The following PSMD8 variants were observed in gnomAD, a reference collection of about 807,000 sequenced individuals.
PSMD8 encodes the protein proteasome 26S subunit, non-ATPase 8, also known as 26S proteasome non-ATPase regulatory subunit 8.
In PSMD8, 30 loss-of-function variants were observed where a neutral mutation model predicts 40.0. That is an observed-to-expected ratio of 0.75 (90% CI 0.56 to 1.02). The LOEUF (loss-of-function observed/expected upper bound fraction) is 1.02, where lower values mean the gene tolerates loss of function less well. PSMD8 is among the 50% of genes least tolerant of loss of function. The pLI is 0.00. For synonymous variants in PSMD8, 208 were observed against 192.5 expected (o/e 1.08, Z -0.67); for missense variants, 461 against 463.9 (o/e 0.99, Z 0.06).
Position 38,383,330 on chromosome 19 carries a change from C to T in PSMD8, c.993C>T (p.Pro331=), listed in dbSNP as rs1202857337. 2 of 1,613,844 alleles carry T rather than the reference C, an allele frequency of 1.2e-6. No individual in the cohort carries two copies. The highest frequency in any genetic ancestry group is 1.7e-6 in the Non-Finnish European group (2 of 1,179,868). ...QQQKPEDTTI[P]STELAKQVIE... ...AGAAGCCGGAAGACACCACCATTCC[C>T]TCCACAGAACTGGCCAAACAGGTCA... Residue 331 remains proline (P), a synonymous_variant, in exon 7 of 7, where the codon CCC becomes CCT. Transcript: ENST00000215071.
chr19:38,380,554 T>A (rs985255023), intron 4 of PSMD8, among the ~76,000 whole-genome samples: 3 of 151,032 alleles, frequency 2.0e-5, no homozygotes, highest in African/African-American at 7.3e-5. Context: ...GGCAAAGGTG[T>A]ACAGGGATGA....
chr19:38,382,930 A>AT, intron 6 of PSMD8: 3 of 263,648 alleles, frequency 1.1e-5, no homozygotes, highest in Non-Finnish European at 2.2e-5. Flanking sequence ...AAAAAAAAAA[A>AT]GAAGAAGGTG....
rs1162101477 is a variant in PSMD8, at chr19:38,376,347, C to G, written c.434-5C>G. The G allele has an allele frequency of 6.5e-7, 1 of 1,546,286 alleles. No individual in the cohort carries two copies. The highest frequency in any genetic ancestry group is 2.4e-5 in the East Asian group (1 of 40,952). On this transcript the variant is annotated splice_region_variant and splice_polypyrimidine_tract_variant and intron_variant, in intron 2 of 6. Coordinates refer to ENST00000215071, the MANE Select transcript of PSMD8 (RefSeq NM_002812.5). Reference sequence around the variant, plus strand: ...CCTCCTGAGAGCTCACTCTGTCACCCACAGGTGACATACTGGAGATCGGGG... The same window carrying G: ...CCTCCTGAGAGCTCACTCTGTCACCGACAGGTGACATACTGGAGATCGGGG...
Position 38,383,514 on chromosome 19 carries a change from C to G in PSMD8, c.*124C>G. The G allele has an allele frequency of 7.6e-7, 1 of 1,318,038 alleles. No homozygotes were observed. Among genetic ancestry groups the G allele is most frequent in the East Asian group, 2.5e-5 (1 of 40,186 alleles). The allele number at this position is 1,318,038 out of a possible 1,614,324, so 81.6% of individuals were successfully genotyped here. A position where few individuals can be genotyped will look rare whatever the true frequency, so the allele number is the denominator to read the frequency against. On this transcript the variant is annotated 3_prime_UTR_variant, in exon 7 of 7. Transcript: ENST00000215071. ...GCCCTTGTCTCCCCAGTTGGGACGG[C>G]AGAGAGACAAGTTCTTATATCTGAA...
At chr19:38,383,075 G>T (rs1180568813) in intron 6 of PSMD8, among the ~76,000 whole-genome samples, 178 bp from the exon 7 acceptor site, 1 of 152,124 alleles carries the variant, frequency 6.6e-6, no homozygotes, top group African/African-American at 2.4e-5. Flanking sequence ...TAGGGTCCCA[G>T]TCTCAACACA....
chr19:38,381,472 G>A (rs1374728910), intron 5 of PSMD8, among the ~76,000 whole-genome samples: 1 of 152,224 alleles, frequency 6.6e-6, no homozygotes, highest in African/African-American at 2.4e-5. Context: ...CCCTTGAGGA[G>A]TAAAAGGGTG....
intron 5 of PSMD8, 66 bp downstream of exon 5, chr19:38,381,065 G>A (rs1452505084): frequency 1.5e-5 from 19 of 1,249,046 alleles, no homozygotes; most frequent in African/African-American, 3.0e-5. Flanking sequence ...ACAGCTCCGA[G>A]TCTGAATCTC....
chr19:38,374,631 G>A lies in PSMD8; in HGVS notation c.30G>A (p.Ala10=). The A allele has an allele frequency of 1.3e-6, 2 of 1,506,206 alleles. No homozygotes were observed. The highest frequency in any genetic ancestry group is 2.4e-5 in the East Asian group (1 of 40,940). 93.3% of individuals were successfully genotyped at this position (1,506,206 alleles called of 1,614,324 possible). A position where few individuals can be genotyped will look rare whatever the true frequency, so the allele number is the denominator to read the frequency against. ...TCATTAAGGGCAGGGCTCCGAGGGC[G>A]CCACCTCGAGAGCGACGGCGGGCTA... is the stretch of plus-strand genomic sequence containing the variant. MFIKGRAPR[A]PPRERRRATR... is the part of the protein sequence containing the mutation. The change falls in exon 1 of 7, where the codon GCG becomes GCA. Residue 10 remains alanine, a synonymous_variant. Coordinates refer to ENST00000215071, the MANE Select transcript of PSMD8 (RefSeq NM_002812.5).
intron 4 of PSMD8, among the ~76,000 whole-genome samples, chr19:38,380,347 C>G (rs2145128658): frequency 6.6e-6 from 1 of 152,304 alleles, no homozygotes; most frequent in East Asian, 1.9e-4. Context: ...GTCCAAATGT[C>G]CTGAGGCAGT....
At chr19:38,379,025 A>G (rs1455577644) in intron 3 of PSMD8, among the ~76,000 whole-genome samples, 2 of 152,190 alleles carry the variant, frequency 1.3e-5, no homozygotes, top group East Asian at 3.8e-4. Flanking sequence ...CATTTCACTG[A>G]AGTGAGGTCA....
At position 38,376,395 on chromosome 19, in the gene PSMD8, G is replaced by A. The variant is rs371805034; in HGVS notation, c.477G>A (p.Lys159=). The part of the protein sequence containing the change: ...EIGAQWSILR[K]DIPSFERYMA... The stretch of plus-strand genomic sequence containing the variant: ...GGGCCCAATGGAGCATCCTACGCAA[G>A]GACATCCCCTCCTTCGAGCGCTACA... The change falls in exon 3 of 7, where the codon AAG becomes AAA. Residue 159 remains lysine (K), a synonymous_variant. Transcript: ENST00000215071. 2 of 1,552,688 alleles carry A rather than the reference G, an allele frequency of 1.3e-6. No individual in the cohort carries two copies.
chr19:38,374,799 C>A lies in PSMD8; in HGVS notation c.198C>A (p.Ala66=), dbSNP rs1205623707. The A allele has an allele frequency of 1.3e-6, 2 of 1,572,486 alleles. No homozygotes were observed. The highest frequency in any genetic ancestry group is 1.7e-6 in the Non-Finnish European group (2 of 1,165,276). ...GLLAASRKMA[A]AAVNGAAGFS... ...TTGCCGCATCACGCAAGATGGCGGC[C>A]GCGGCGGTGAACGGGGCGGCAGGCT... Residue 66 remains alanine (A), a synonymous_variant, in exon 1 of 7, where the codon GCC becomes GCA. Coordinates refer to ENST00000215071, the MANE Select transcript of PSMD8 (RefSeq NM_002812.5).
intron 5 of PSMD8, 28 bp downstream of exon 5, chr19:38,381,027 G>A (rs1369355955): frequency 1.3e-6 from 2 of 1,498,126 alleles, no homozygotes; most frequent in African/African-American, 1.4e-5. Flanking sequence ...GCCCTGTGGA[G>A]TTTGGAAAGA....
At chr19:38,378,876 C>G (rs1250374195) in intron 3 of PSMD8, among the ~76,000 whole-genome samples, 1 of 152,028 alleles carries the variant, frequency 6.6e-6, no homozygotes, top group Admixed American at 6.6e-5. Flanking sequence ...TCGCTTGAAC[C>G]CGGCAAGCGG....
rs759613610 is a variant in PSMD8 at position 38,383,397 on chromosome 19, C to G, written c.*7C>G. The G allele has an allele frequency of 3.7e-6, 6 of 1,613,936 alleles. No individual in the cohort carries two copies. The highest frequency in any genetic ancestry group is 1.1e-5 in the South Asian group (1 of 91,086). Reference sequence around the variant, plus strand: ...GCTGGAGATGATCGTCTGAGCCCCCCGGGCACTGGGTGGGGCAGGGCACGA... The same window carrying G: ...GCTGGAGATGATCGTCTGAGCCCCCGGGGCACTGGGTGGGGCAGGGCACGA... On this transcript the variant is annotated 3_prime_UTR_variant, in exon 7 of 7. Transcript: ENST00000215071.
intron 3 of PSMD8, among the ~76,000 whole-genome samples, chr19:38,378,039 C>G (rs1286380723): frequency 1.3e-5 from 2 of 152,188 alleles, no homozygotes; most frequent in East Asian, 3.8e-4. Context: ...TTCACTTAAC[C>G]CTTGTTCATT....
intron 6 of PSMD8, chr19:38,382,914 GAAAAAAAA>G: frequency 5.6e-6 from 1 of 179,358 alleles, no homozygotes; most frequent in Non-Finnish European, 1.1e-5. Context: ...TCTGTCTGGG[GAAAAAAAA>G]AAAAAAAAGA....
chr19:38,375,206 C>T (rs867837543), intron 1 of PSMD8: 1 of 597,386 alleles, frequency 1.7e-6, no homozygotes, highest in African/African-American at 1.9e-5. Flanking sequence ...TTTGGGAGGC[C>T]GAGGCGGGGG....
At chr19:38,376,279 G>A in intron 2 of PSMD8, 47 bp downstream of exon 2, 2 of 1,546,300 alleles carry the variant, frequency 1.3e-6, no homozygotes, top group Non-Finnish European at 1.8e-6. Context: ...GGGGGTCATG[G>A]CAGGAATGGT....
Sources: allele counts gnomAD v4.1 joint callset (sites outside exome capture counted in the v4.1 genomes callset), GRCh38; gene constraint gnomAD v4.1.1; transcripts MANE v1.5; gene names NCBI Gene and HGNC (gene_info 2026-07-23, HGNC 2026-07-21).